Variants in DYNC2I1 observed in about 807,000 individuals in gnomAD.
DYNC2I1 encodes the protein cytoplasmic dynein 2 intermediate chain 1.
DYNC2I1 carries 89 observed loss-of-function variants against 133.4 expected under a neutral mutation model. That is an observed-to-expected ratio of 0.67 (90% CI 0.56 to 0.80). The LOEUF is 0.80. Ranked by LOEUF, DYNC2I1 falls within the 30% of genes least tolerant of loss-of-function variation. The pLI is 0.00. For synonymous variants in DYNC2I1, 504 were observed against 484.3 expected, an observed-to-expected ratio of 1.04 and a Z score of -0.54; for missense variants, 1,291 against 1,314.5, an observed-to-expected ratio of 0.98 and a Z score of 0.28.
chr7:158,886,899 T>G, intron 6 of DYNC2I1, 122 bp from the exon 7 acceptor site: 1 of 894,386 alleles, frequency 1.1e-6, no homozygotes, highest in Non-Finnish European at 1.7e-6. Flanking sequence ...TCGCTCCTGG[T>G]TGTAGTAGTT....
intron 5 of DYNC2I1, among the ~76,000 whole-genome samples, chr7:158,883,159 G>A (rs1002736459): frequency 2.0e-5 from 3 of 151,660 alleles, no homozygotes; most frequent in African/African-American, 7.3e-5. Context: ...GACTGTTCCC[G>A]GGGATGGATG....
chr7:158,905,266 G>A (rs1347180033), intron 10 of DYNC2I1: 6 of 346,240 alleles, frequency 1.7e-5, no homozygotes, highest in Admixed American at 4.0e-5. Flanking sequence ...TCAGCCTCCC[G>A]AGTAGCTGGG....
At chr7:158,872,435 C>T (rs1447205926) in intron 3 of DYNC2I1, among the ~76,000 whole-genome samples, 1 of 152,054 alleles carries the variant, frequency 6.6e-6, no homozygotes, top group African/African-American at 2.4e-5. Context: ...GAGTTCGAAA[C>T]CAGTCTGGCC....
intron 5 of DYNC2I1, among the ~76,000 whole-genome samples, chr7:158,883,990 A>G (rs1219515549): frequency 1.3e-5 from 2 of 148,780 alleles, no homozygotes; most frequent in African/African-American, 2.5e-5. Flanking sequence ...AGAAGAATCC[A>G]GTGGCCTCAT....
chr7:158,926,188 T>C lies in DYNC2I1; in HGVS notation c.2259T>C (p.Asp753=). The change falls in exon 18 of 25, where the codon GAT becomes GAC. Residue 753 remains aspartate (D), a splice_region_variant and synonymous_variant. Transcript: ENST00000407559. ...WTFRTATFST[D]GILTSVNHRS... ...ATGCTGTGGGCTTTTGAACTCCAGATGGAATCCTTACCTCAGTAAACCACC... is the reference window on the plus strand; with the variant it reads ...ATGCTGTGGGCTTTTGAACTCCAGACGGAATCCTTACCTCAGTAAACCACC... 6.2e-7 allele frequency: 1 copy of C among 1,611,712 alleles called. No individual in the cohort carries two copies. The highest frequency in any genetic ancestry group is 8.5e-7 in the Non-Finnish European group (1 of 1,178,760).
intron 7 of DYNC2I1, among the ~76,000 whole-genome samples, chr7:158,887,354 C>T (rs1246644337): frequency 6.6e-6 from 1 of 152,136 alleles, no homozygotes; most frequent in Non-Finnish European, 1.5e-5. Flanking sequence ...GATTTTGAGA[C>T]AGAAAGTGTT....
chr7:158,885,432 C>T (rs1844505500), intron 6 of DYNC2I1, among the ~76,000 whole-genome samples: 2 of 151,862 alleles, frequency 1.3e-5, no homozygotes, highest in Non-Finnish European at 2.9e-5. Context: ...ACCTCCGCCT[C>T]CCAGGTTCAA....
At chr7:158,936,259 C>CT (rs1266681680) in intron 23 of DYNC2I1, among the ~76,000 whole-genome samples, 5 of 151,916 alleles carry the variant, frequency 3.3e-5, no homozygotes, top group African/African-American at 1.2e-4. Flanking sequence ...AGCTCTTGAG[C>CT]TTTTTTTGGC....
chr7:158,913,855 C>T (rs1847739806), intron 13 of DYNC2I1, among the ~76,000 whole-genome samples: 1 of 152,114 alleles, frequency 6.6e-6, no homozygotes, highest in African/African-American at 2.4e-5. Context: ...ACTACAAGCG[C>T]CTGCTATCAT....
At chr7:158,873,476 GGCT>G (rs2129477770) in intron 3 of DYNC2I1, among the ~76,000 whole-genome samples, 1 of 152,294 alleles carries the variant, frequency 6.6e-6, no homozygotes, top group African/African-American at 2.4e-5. Flanking sequence ...TTAGGAATAA[GGCT>G]GCTAAGAATG....
chr7:158,844,287 G>A, the DYNC2I1 span, among the ~76,000 whole-genome samples: 3 of 151,626 alleles, frequency 2.0e-5, no homozygotes, highest in East Asian at 1.9e-4. Flanking sequence ...TCTTGTGTTC[G>A]TTAACCAAAA....
At chr7:158,879,653 C>T in intron 4 of DYNC2I1, 31 bp from the exon 5 acceptor site, 2 of 1,539,220 alleles carry the variant, frequency 1.3e-6, no homozygotes, top group Non-Finnish European at 1.7e-6. Flanking sequence ...TTGATGTGCT[C>T]CTGTGTTTCT....
At chr7:158,886,047 AT>A (rs928459855) in intron 6 of DYNC2I1, among the ~76,000 whole-genome samples, 5 of 148,676 alleles carry the variant, frequency 3.4e-5, no homozygotes, top group African/African-American at 1.2e-4. Flanking sequence ...TATATAACAT[AT>A]TTATATTTTA....
intron 1 of DYNC2I1, among the ~76,000 whole-genome samples, chr7:158,857,791 CT>C (rs369240011): frequency 1.7e-3 from 221 of 133,594 alleles, no homozygotes; most frequent in East Asian, 3.4e-3. Context: ...TGCACCCGGC[CT>C]TTTTTTTTTT....
At chr7:158,914,500 T>G (rs1030339396) in intron 14 of DYNC2I1, among the ~76,000 whole-genome samples, 179 bp downstream of exon 14, 6 of 152,228 alleles carry the variant, frequency 3.9e-5, no homozygotes, top group Admixed American at 3.3e-4. Context: ...ATTAAGCCCT[T>G]GTGGGCAGAA....
rs1383013760 is a variant in DYNC2I1, at chr7:158,902,386, A to T, written c.1148A>T (p.Asp383Val). The part of the protein sequence containing the change: ...SCEDDFEDYE[D>V]DFEVCDGDDD... ...TATTATTGTTTGCAGGACTATGAAG[A>T]TGACTTTGAGGTTTGTGATGGTGAT... Residue 383 changes from aspartate to valine, a missense_variant, in exon 10 of 25, where the codon GAT (aspartate) becomes GTT (valine). Asp to Val is a radical substitution (Grantham distance 152). Transcript: ENST00000407559. 1 of 1,612,300 alleles carries T rather than the reference A, an allele frequency of 6.2e-7. No homozygotes were observed. Among genetic ancestry groups the T allele is most frequent in the African/African-American group, 1.3e-5 (1 of 74,774 alleles).
At chr7:158,932,633 A>G (rs548323667) in intron 21 of DYNC2I1, among the ~76,000 whole-genome samples, 1 of 152,286 alleles carries the variant, frequency 6.6e-6, no homozygotes, top group South Asian at 2.1e-4. Context: ...GCCGAGGAGC[A>G]GCACATCTTG....
intron 24 of DYNC2I1, among the ~76,000 whole-genome samples, chr7:158,944,831 C>T (rs769126142): frequency 5.3e-5 from 8 of 152,122 alleles, no homozygotes; most frequent in Admixed American, 2.0e-4. Flanking sequence ...CACGGGGAGA[C>T]GGGGTCCCCA....
chr7:158,845,975 G>A, the DYNC2I1 span, among the ~76,000 whole-genome samples: 109 of 152,152 alleles, frequency 7.2e-4, no homozygotes, highest in African/African-American at 2.5e-3. Flanking sequence ...ATAAAACCAC[G>A]TAGGCTGGGC....
Sources: allele counts gnomAD v4.1 joint callset (sites outside exome capture counted in the v4.1 genomes callset), GRCh38; gene constraint gnomAD v4.1.1; transcripts MANE v1.5; gene names NCBI Gene and HGNC (gene_info 2026-07-23, HGNC 2026-07-21).